DNAH17: variants seen among roughly 807,000 people sequenced by gnomAD.
DNAH17 encodes the protein dynein axonemal heavy chain 17.
In DNAH17, 376 loss-of-function variants were observed where a neutral mutation model predicts 485.6. The observed-to-expected ratio is 0.77, with a 90% CI of 0.71 to 0.84. DNAH17 has a LOEUF of 0.84. Ranked by LOEUF, DNAH17 falls within the 40% of genes least tolerant of loss-of-function variation. The probability of loss-of-function intolerance (pLI) is 0.00; values close to 1 mark genes in which losing one functional copy is unlikely to be tolerated. For synonymous variants in DNAH17, 3,031 were observed against 2,405.9 expected (o/e 1.26, Z -7.60); for missense variants, 6,370 against 5,839.3 (o/e 1.09, Z -2.96).
chr17:78,430,062 C>G (rs1404245764), intron 75 of DNAH17, among the ~76,000 whole-genome samples: 4 of 152,254 alleles, frequency 2.6e-5, no homozygotes, highest in Admixed American at 2.6e-4. Flanking sequence ...CTTCATGCTT[C>G]CTTGCAGTCT....
intron 26 of DNAH17, among the ~76,000 whole-genome samples, chr17:78,513,678 C>T (rs2090698263): frequency 1.3e-5 from 2 of 152,324 alleles, no homozygotes; most frequent in South Asian, 2.1e-4. Flanking sequence ...TCAAGTGATC[C>T]ACCCACCTCG....
chr17:78,451,787 C>T (rs2146496739), intron 65 of DNAH17, 114 bp from the exon 66 acceptor site: 1 of 817,976 alleles, frequency 1.2e-6, no homozygotes, highest in East Asian at 2.7e-5. Flanking sequence ...CTTGAACCCT[C>T]CCTTCTGGTC....
At chr17:78,497,880 C>T (rs1478009487) in intron 37 of DNAH17, among the ~76,000 whole-genome samples, 4 of 152,160 alleles carry the variant, frequency 2.6e-5, no homozygotes, top group South Asian at 2.1e-4. Context: ...CAACGGCTCA[C>T]GCCTGTAATC....
chr17:78,478,536 TCAC>T (rs2089198476), intron 51 of DNAH17, among the ~76,000 whole-genome samples: 1 of 149,308 alleles, frequency 6.7e-6, no homozygotes, highest in South Asian at 2.2e-4. Context: ...ATCACTATCA[TCAC>T]CACCATCATG....
At position 78,454,473 on chromosome 17, in the gene DNAH17, T is replaced by C. The variant is rs901866607; in HGVS notation, c.10403A>G (p.Lys3468Arg). Residue 3468 changes from lysine to arginine, a missense_variant, in exon 64 of 81, where the codon AAG becomes AGG. Physicochemically the swap from Lys to Arg is conservative, Grantham distance 26 (BLOSUM62 2). Coordinates refer to ENST00000389840, the MANE Select transcript of DNAH17 (RefSeq NM_173628.4). ...SELKAIRLGQKSYLDVIEQAI... is the reference protein window; with the variant it reads ...SELKAIRLGQRSYLDVIEQAI... Reference sequence around the variant, plus strand: ...CAGGTCCTGCGCCCGCACACACCTCTTCTGTCCCAGGCGGATGGCTTTCAG... The same window carrying C: ...CAGGTCCTGCGCCCGCACACACCTCCTCTGTCCCAGGCGGATGGCTTTCAG... 2.5e-6 allele frequency: 4 copies of C among 1,611,516 alleles called. No homozygotes were observed. Among genetic ancestry groups the C allele is most frequent in the African/African-American group, 2.7e-5 (2 of 74,926 alleles).
chr17:78,480,833 A>G lies in DNAH17; in HGVS notation c.7650-47T>C, dbSNP rs73379428. The G allele has an allele frequency of 7.2e-3, 9,914 of 1,374,664 alleles. 433 individuals carry two copies. In the African/African-American group the frequency reaches 0.11, roughly 15 times the overall value. 85.2% of individuals were successfully genotyped at this position (1,374,664 alleles called of 1,614,324 possible). On this transcript the variant is annotated intron_variant, in intron 48 of 80. Coordinates refer to ENST00000389840, the MANE Select transcript of DNAH17 (RefSeq NM_173628.4). ...CATGTTGTGCCCCTGGCCTGGAGGA[A>G]CCATCCCCTGCCCCCACTGTGCTCC... is the stretch of plus-strand genomic sequence containing the variant.
At chr17:78,498,875 G>A (rs1284407609) in intron 37 of DNAH17, 133 bp downstream of exon 37, 1 of 607,420 alleles carries the variant, frequency 1.6e-6, no homozygotes, top group Non-Finnish European at 2.7e-6. Context: ...AGAGCTCAAT[G>A]GCACCACACC....
At chr17:78,459,291 A>C (rs1395994208) in intron 60 of DNAH17, 83 bp from the exon 61 acceptor site, 1 of 1,331,480 alleles carries the variant, frequency 7.5e-7, no homozygotes, top group African/African-American at 1.4e-5. Context: ...TGTCTTGCCC[A>C]GGGTGGCACA....
chr17:78,427,255 A>G (rs2146410939), intron 77 of DNAH17, 147 bp from the exon 78 acceptor site: 1 of 735,212 alleles, frequency 1.4e-6, no homozygotes. Flanking sequence ...ATGCAGGGTC[A>G]TGGGTGCAGC....
Position 78,459,842 on chromosome 17 carries a change from C to T in DNAH17, c.9595G>A (p.Asp3199Asn). 2 of 1,614,000 alleles carry T rather than the reference C, an allele frequency of 1.2e-6. No homozygotes were observed. Among genetic ancestry groups the T allele is most frequent in the Non-Finnish European group, 1.7e-6 (2 of 1,179,886 alleles). The change falls in exon 60 of 81, where the codon GAC (aspartate) becomes AAC (asparagine). Residue 3199 changes from aspartate to asparagine, a missense_variant. Transcript: ENST00000389840. ...TCCTTGTCGAACTTCTTCAGGGAGT[C>T]TAGGAAGGTGTCCACCTTGCCCATC... ...IMMGKVDTFL[D>N]SLKKFDKEHI... is the part of the protein sequence containing the mutation.
In DNAH17 at chr17:78,445,658, A is replaced by T; in HGVS notation, c.11234T>A (p.Leu3745Gln). 3 of 1,581,928 alleles carry T rather than the reference A, an allele frequency of 1.9e-6. No homozygotes were observed. ...TFQVLSMKKE[L>Q]NPVELDFLLR... ...GAGGAAATCCAGCTCCACTGGGTTC[A>T]GCTCCTTCTTCATGGACAGGACCTG... The change falls in exon 70 of 81, where the codon CTG becomes CAG. Residue 3745 changes from leucine (L) to glutamine (Q), a missense_variant. Coordinates refer to ENST00000389840, the MANE Select transcript of DNAH17 (RefSeq NM_173628.4).
At chr17:78,553,283 G>GGTTTTTTTTTTTTTTT (rs2091944708) in intron 14 of DNAH17, among the ~76,000 whole-genome samples, 3 of 51,018 alleles carry the variant, frequency 5.9e-5, no homozygotes, top group African/African-American at 1.8e-4. Context: ...AGGTTTTTGT[G>GGTTTTTTTTTTTTTTT]TTTTTTTTTT....
chr17:78,523,648 G>A (rs973164368), intron 25 of DNAH17, among the ~76,000 whole-genome samples: 1 of 152,372 alleles, frequency 6.6e-6, no homozygotes, highest in African/African-American at 2.4e-5. Context: ...GCTGATGCCT[G>A]TAATACCAGC....
chr17:78,564,726 T>A (rs1225116595), intron 11 of DNAH17, among the ~76,000 whole-genome samples: 1 of 152,184 alleles, frequency 6.6e-6, no homozygotes, highest in Non-Finnish European at 1.5e-5. Context: ...TGCCCTGTGC[T>A]AGGCTCAGTT....
intron 72 of DNAH17, among the ~76,000 whole-genome samples, chr17:78,439,646 A>G (rs865821990): frequency 1.4e-5 from 2 of 146,970 alleles, no homozygotes; most frequent in African/African-American, 5.0e-5. Context: ...TCCACGTTGT[A>G]GCATGTATCA....
At chr17:78,576,436 C>T (rs188529739) in intron 1 of DNAH17, among the ~76,000 whole-genome samples, 15 of 152,228 alleles carry the variant, frequency 9.9e-5, no homozygotes, top group Non-Finnish European at 1.5e-4. Flanking sequence ...CAAAGCCACC[C>T]GATTCAGGCA....
intron 12 of DNAH17, 50 bp from the exon 13 acceptor site, chr17:78,560,985 T>C: frequency 6.7e-7 from 1 of 1,498,728 alleles, no homozygotes; most frequent in Middle Eastern, 1.7e-4. Flanking sequence ...TCCTGTGGGG[T>C]GTCTTCGGCA....
At chr17:78,551,456 G>A (rs370886655) in intron 16 of DNAH17, 79 bp downstream of exon 16, 1 of 1,313,650 alleles carries the variant, frequency 7.6e-7, no homozygotes, top group East Asian at 2.3e-5. Context: ...CTTTCCATGG[G>A]CCTCTACGTA....
At chr17:78,532,851 T>G in intron 19 of DNAH17, 115 bp from the exon 20 acceptor site, 1 of 1,218,716 alleles carries the variant, frequency 8.2e-7, no homozygotes, top group Non-Finnish European at 1.1e-6. Context: ...GCTTCCAATC[T>G]CTCATGATGA....
Sources: allele counts gnomAD v4.1 joint callset (sites outside exome capture counted in the v4.1 genomes callset), GRCh38; gene constraint gnomAD v4.1.1; transcripts MANE v1.5; gene names NCBI Gene and HGNC (gene_info 2026-07-23, HGNC 2026-07-21).